BBS4: variants seen among roughly 807,000 people sequenced by gnomAD.
BBS4 encodes the protein Bardet-Biedl syndrome 4.
BBS4 carries 58 observed loss-of-function variants against 71.4 expected under a neutral mutation model. That is an observed-to-expected ratio of 0.81 (90% CI 0.66 to 1.01). The LOEUF (loss-of-function observed/expected upper bound fraction) is 1.01, where lower values mean the gene tolerates loss of function less well. Ranked by LOEUF, BBS4 falls within the 50% of genes least tolerant of loss-of-function variation. BBS4 has a pLI of 0.00. For missense variants in BBS4, 660 were observed against 607.9 expected, an observed-to-expected ratio of 1.09 and a Z score of -0.90; for synonymous variants, 228 against 216.8, an observed-to-expected ratio of 1.05 and a Z score of -0.46.
chr15:72,692,699 A>T lies in BBS4; in HGVS notation c.25-2478A>T, dbSNP rs578044838. 2.0e-5 allele frequency among the ~76,000 whole-genome samples: 3 copies of T among 151,140 alleles called. No homozygotes were observed. The East Asian group carries it at 5.9e-4, about 30-fold the overall frequency. Reference sequence around the variant, plus strand: ...CAACTCCGCTTCCTGGGCTTAAGAGATCCTCCCACCTCAGCCTTCTGAGTA... The same window carrying T: ...CAACTCCGCTTCCTGGGCTTAAGAGTTCCTCCCACCTCAGCCTTCTGAGTA... On this transcript the variant is annotated intron_variant, in intron 1 of 15. Transcript: ENST00000268057.
chr15:72,728,128 A>C, intron 9 of BBS4, 134 bp downstream of exon 9: 1 of 677,494 alleles, frequency 1.5e-6, no homozygotes, highest in Admixed American at 2.4e-5. Context: ...CACTCTCTCT[A>C]TTCGATACTC....
chr15:72,696,481 A>G (rs141651385), intron 2 of BBS4, among the ~76,000 whole-genome samples: 8 of 152,276 alleles, frequency 5.3e-5, no homozygotes, highest in African/African-American at 1.9e-4. Flanking sequence ...TTACTCCCCC[A>G]AAAGTCACCT....
Position 72,724,652 on chromosome 15 carries a change from T to G in BBS4, c.584T>G (p.Val195Gly). 6.2e-7 allele frequency: 1 copy of G among 1,613,928 alleles called. No individual in the cohort carries two copies. Among genetic ancestry groups the G allele is most frequent in the Non-Finnish European group, 8.5e-7 (1 of 1,179,872 alleles). Reference protein sequence around the residue: ...DKAIEVYKKAVEFSPENTELL... With the variant: ...DKAIEVYKKAGEFSPENTELL... ...GCCATTGAAGTCTACAAGAAAGCAG[T>G]GGAGTAAGTGTATCTGTTTCCTTTA... Residue 195 changes from valine (V) to glycine (G), a missense_variant, in exon 8 of 16, where the codon GTG becomes GGG. By Grantham distance (109) the Val-to-Gly change is moderately radical. Transcript: ENST00000268057.
Position 72,729,687 on chromosome 15 carries a change from A to C in BBS4, c.711+3A>C. The C allele has an allele frequency of 6.2e-7, 1 of 1,613,704 alleles. No individual in the cohort carries two copies. The highest frequency in any genetic ancestry group is 8.5e-7 in the Non-Finnish European group (1 of 1,179,622). ...CTTATGACCCTACCAACTACAAGGTATTACAGGCTGTGAAGGCTCTGGCCT... is the reference window on the plus strand; with the variant it reads ...CTTATGACCCTACCAACTACAAGGTCTTACAGGCTGTGAAGGCTCTGGCCT... On this transcript the variant is annotated splice_donor_region_variant and intron_variant, in intron 10 of 15. Coordinates refer to ENST00000268057, the MANE Select transcript of BBS4 (RefSeq NM_033028.5).
chr15:72,733,641 G>A (rs1040363123), intron 12 of BBS4, among the ~76,000 whole-genome samples: 2 of 152,274 alleles, frequency 1.3e-5, no homozygotes, highest in African/African-American at 4.8e-5. Flanking sequence ...ATTCCATGGT[G>A]TACATTTACA....
chr15:72,722,912 C>T, intron 7 of BBS4, 65 bp downstream of exon 7: 1 of 1,410,968 alleles, frequency 7.1e-7, no homozygotes. Context: ...TGTTACATTG[C>T]TCATTTGGTA....
At chr15:72,729,333 C>T (rs1304270364) in intron 9 of BBS4, among the ~76,000 whole-genome samples, 2 of 149,038 alleles carry the variant, frequency 1.3e-5, no homozygotes, top group Non-Finnish European at 3.0e-5. Context: ...TCACTGCAAC[C>T]TCTGCCTCCT....
chr15:72,726,404 G>A (rs995602947), intron 8 of BBS4, among the ~76,000 whole-genome samples: 4 of 122,654 alleles, frequency 3.3e-5, no homozygotes, highest in African/African-American at 1.2e-4. Context: ...GAACCACTGC[G>A]CCCAGCCTTG....
chr15:72,704,264 G>A (rs140357694), intron 2 of BBS4, among the ~76,000 whole-genome samples: 2,660 of 152,270 alleles, frequency 0.017, 38 homozygotes, highest in Non-Finnish European at 0.025. Context: ...GGTAACATAG[G>A]CTCCTGAAAT....
At chr15:72,708,782 G>A (rs2065311655) in intron 2 of BBS4, among the ~76,000 whole-genome samples, 1 of 152,154 alleles carries the variant, frequency 6.6e-6, no homozygotes, top group Non-Finnish European at 1.5e-5. Context: ...GGGCATGTCT[G>A]TCTTATGCTG....
Position 72,737,604 on chromosome 15 carries a change from C to T in BBS4, c.*17C>T. 1.3e-6 allele frequency: 2 copies of T among 1,575,426 alleles called. No individual in the cohort carries two copies. The highest frequency in any genetic ancestry group is 1.7e-6 in the Non-Finnish European group (2 of 1,154,552). On this transcript the variant is annotated 3_prime_UTR_variant, in exon 16 of 16. Transcript: ENST00000268057. ...GAGAAATAAGAATAGAATGAATGACCCCAAAATAGGGTTTTCTTGGGCGAG... is the reference window on the plus strand; with the variant it reads ...GAGAAATAAGAATAGAATGAATGACTCCAAAATAGGGTTTTCTTGGGCGAG...
chr15:72,727,693 G>A (rs568910563), intron 8 of BBS4, among the ~76,000 whole-genome samples: 6 of 152,158 alleles, frequency 3.9e-5, no homozygotes, highest in African/African-American at 1.4e-4. Flanking sequence ...TTCTTTCTTA[G>A]GACTTTTACC....
chr15:72,696,093 G>A (rs796113987), intron 2 of BBS4, among the ~76,000 whole-genome samples: 6 of 152,298 alleles, frequency 3.9e-5, no homozygotes, highest in African/African-American at 1.4e-4. Flanking sequence ...GTGTTGAAGT[G>A]TGCAAATGTA....
intron 2 of BBS4, among the ~76,000 whole-genome samples, chr15:72,704,868 C>T (rs557361471): frequency 4.9e-4 from 74 of 151,706 alleles, no homozygotes; most frequent in African/African-American, 1.5e-3. Context: ...TGACAGAACT[C>T]GACTCCATCT....
intron 2 of BBS4, among the ~76,000 whole-genome samples, chr15:72,704,153 A>AG (rs2065222493): frequency 6.6e-6 from 1 of 152,252 alleles, no homozygotes; most frequent in Admixed American, 6.5e-5. Context: ...GTGATGGTGG[A>AG]GGGGTAGTGT....
intron 10 of BBS4, among the ~76,000 whole-genome samples, 168 bp downstream of exon 10, chr15:72,729,852 T>C (rs1260424014): frequency 6.6e-6 from 1 of 152,210 alleles, no homozygotes; most frequent in African/African-American, 2.4e-5. Context: ...GTGTCAAGTA[T>C]GCTCTACTTA....
chr15:72,705,906 A>G (rs1018073561), intron 2 of BBS4, among the ~76,000 whole-genome samples: 2 of 151,984 alleles, frequency 1.3e-5, no homozygotes, highest in Non-Finnish European at 2.9e-5. Context: ...TTATTGTGAG[A>G]TTTTAATAAC....
At chr15:72,716,671 G>C in intron 5 of BBS4, 107 bp from the exon 6 acceptor site, 2 of 863,822 alleles carry the variant, frequency 2.3e-6, no homozygotes, top group Non-Finnish European at 3.8e-6. Context: ...TAGAGAAAAG[G>C]CTTCTAGAAT....
chr15:72,705,775 G>T (rs376657761), intron 2 of BBS4, among the ~76,000 whole-genome samples: 1 of 151,690 alleles, frequency 6.6e-6, no homozygotes, highest in African/African-American at 2.4e-5. Context: ...TGTATTTTTT[G>T]TAGAGATGGG....
Sources: allele counts gnomAD v4.1 joint callset (sites outside exome capture counted in the v4.1 genomes callset), GRCh38; gene constraint gnomAD v4.1.1; transcripts MANE v1.5; gene names NCBI Gene and HGNC (gene_info 2026-07-23, HGNC 2026-07-21).